The following DIAPH2 variants were observed in gnomAD, a reference collection of about 807,000 sequenced individuals.
DIAPH2 encodes the protein protein diaphanous homolog 2.
Under a neutral mutation model 92.7 loss-of-function variants are expected in DIAPH2, and 35 were observed. That is an observed-to-expected ratio of 0.38 (90% CI 0.29 to 0.50). The LOEUF (loss-of-function observed/expected upper bound fraction) is 0.50, where lower values mean the gene tolerates loss of function less well. DIAPH2 is among the 20% of genes least tolerant of loss of function. The probability of loss-of-function intolerance (pLI) is 0.94; values close to 1 mark genes in which losing one functional copy is unlikely to be tolerated. For missense variants in DIAPH2, 701 were observed against 819.5 expected, an observed-to-expected ratio of 0.86 and a Z score of 1.77; for synonymous variants, 301 against 280.4, an observed-to-expected ratio of 1.07 and a Z score of -0.73.
chrX:97,512,254 A>G (rs1371199968), intron 26 of DIAPH2, among the ~76,000 whole-genome samples: 1 of 113,549 alleles, frequency 8.8e-6, no homozygotes, highest in Non-Finnish European at 1.9e-5. Context: ...GTATATGTCA[A>G]GGAATTTATC....
intron 4 of DIAPH2, among the ~76,000 whole-genome samples, chrX:96,761,970 AATTT>A (rs1175222698): frequency 2.7e-5 from 3 of 111,726 alleles, no homozygotes; most frequent in Admixed American, 1.9e-4. Flanking sequence ...CTTCTGAAAT[AATTT>A]ACTTGGAAAC....
intron 11 of DIAPH2, 137 bp from the exon 12 acceptor site, chrX:96,939,129 A>G: frequency 2.7e-6 from 1 of 364,668 alleles, no homozygotes; most frequent in South Asian, 4.3e-5. Context: ...AGATGTTTAA[A>G]TACTGGATCA....
intron 26 of DIAPH2, among the ~76,000 whole-genome samples, chrX:97,576,001 G>A (rs1483374226): frequency 9.0e-6 from 1 of 111,713 alleles, no homozygotes; most frequent in Non-Finnish European, 1.9e-5. Flanking sequence ...CAAGCAAGGC[G>A]ATAGGAGTCA....
At chrX:97,298,295 CATT>C (rs2068662924) in intron 23 of DIAPH2, among the ~76,000 whole-genome samples, 1 of 91,872 alleles carries the variant, frequency 1.1e-5, no homozygotes, top group Non-Finnish European at 2.1e-5. Flanking sequence ...TGATATCTGA[CATT>C]GTTGATAATA....
intron 9 of DIAPH2, among the ~76,000 whole-genome samples, chrX:96,927,338 TAGAGTACACTCATCTCTTA>T (rs1293936339): frequency 3.9e-5 from 4 of 101,468 alleles, no homozygotes; most frequent in African/African-American, 1.5e-4. Context: ...TAGAGGACAA[TAGAGTACACTCATCTCTTA>T]AAGATTTATA....
intron 24 of DIAPH2, among the ~76,000 whole-genome samples, chrX:97,364,800 A>G (rs1602537645): frequency 1.1e-5 from 1 of 90,253 alleles, no homozygotes; most frequent in African/African-American, 4.4e-5. Context: ...CTTCAATCTT[A>G]AATAAAGCAT....
intron 23 of DIAPH2, among the ~76,000 whole-genome samples, chrX:97,289,862 C>A (rs2068575392): frequency 9.1e-6 from 1 of 110,002 alleles, no homozygotes; most frequent in Non-Finnish European, 1.9e-5. Flanking sequence ...GTAGCTGGGA[C>A]TACACGCGTG....
chrX:97,199,569 C>T (rs745932957), intron 22 of DIAPH2, among the ~76,000 whole-genome samples: 2 of 111,485 alleles, frequency 1.8e-5, no homozygotes, highest in East Asian at 5.7e-4. Context: ...TGATCTCCCG[C>T]AATGTTCTAG....
intron 17 of DIAPH2, among the ~76,000 whole-genome samples, chrX:96,990,846 T>C (rs2066064662): frequency 9.0e-6 from 1 of 111,240 alleles, no homozygotes; most frequent in African/African-American, 3.3e-5. Context: ...ATCTTAGTAC[T>C]TTCTCTCTTT....
At chrX:96,849,938 T>C (rs2064996605) in intron 4 of DIAPH2, among the ~76,000 whole-genome samples, 1 of 96,672 alleles carries the variant, frequency 1.0e-5, no homozygotes, top group Non-Finnish European at 2.0e-5. Flanking sequence ...TAAGAAAGCA[T>C]GGTAGGATAA....
chrX:97,152,693 C>A (rs1453596121), intron 22 of DIAPH2, among the ~76,000 whole-genome samples: 1 of 111,546 alleles, frequency 9.0e-6, no homozygotes, highest in Non-Finnish European at 1.9e-5. Flanking sequence ...AACAAATCCA[C>A]TCCTGTGATA....
At chrX:96,995,758 G>GTTTTTTTTT (rs2066101043) in intron 17 of DIAPH2, among the ~76,000 whole-genome samples, 1 of 105,725 alleles carries the variant, frequency 9.5e-6, no homozygotes, top group East Asian at 3.0e-4. Context: ...TTTTTTCTCA[G>GTTTTTTTTT]TTAAGTGGCT....
intron 22 of DIAPH2, among the ~76,000 whole-genome samples, chrX:97,203,661 G>A (rs745585608): frequency 8.1e-5 from 9 of 111,658 alleles, no homozygotes; most frequent in Non-Finnish European, 1.3e-4. Flanking sequence ...ACCAAGTTCT[G>A]AAATTGAGGC....
intron 22 of DIAPH2, among the ~76,000 whole-genome samples, chrX:97,143,492 A>G (rs757444865): frequency 1.4e-4 from 15 of 110,025 alleles, no homozygotes; most frequent in Non-Finnish European, 2.5e-4. Flanking sequence ...ATGAAAATAT[A>G]TATATTTATA....
chrX:97,288,139 A>G (rs1439791342), intron 23 of DIAPH2, among the ~76,000 whole-genome samples: 1 of 110,839 alleles, frequency 9.0e-6, no homozygotes, highest in Non-Finnish European at 1.9e-5. Flanking sequence ...AACAAAACAC[A>G]TACAAATGAA....
At chrX:97,080,902 G>A (rs993218384) in intron 19 of DIAPH2, among the ~76,000 whole-genome samples, 10 of 111,695 alleles carry the variant, frequency 9.0e-5, no homozygotes, top group Admixed American at 3.8e-4. Context: ...ATCTATTTAC[G>A]TGGCTATCGA....
chrX:96,688,811 C>A (rs145759625), intron 1 of DIAPH2, among the ~76,000 whole-genome samples: 2 of 111,832 alleles, frequency 1.8e-5, no homozygotes, highest in Non-Finnish European at 3.8e-5. Context: ...GTGAGCCAGA[C>A]GTGGTAGCTT....
intron 17 of DIAPH2, among the ~76,000 whole-genome samples, chrX:97,029,146 CT>C (rs34551722): frequency 0.28 from 25,604 of 92,476 alleles, 3,720 homozygotes; most frequent in South Asian, 0.44. Flanking sequence ...TTTTCTTTTT[CT>C]TTTTTTTTTT....
At chrX:96,834,011 A>G (rs1229845210) in intron 4 of DIAPH2, among the ~76,000 whole-genome samples, 1 of 111,621 alleles carries the variant, frequency 9.0e-6, no homozygotes, top group African/African-American at 3.3e-5. Context: ...TATATTTTGT[A>G]TCTCACATTC....
Sources: gnomAD v4.1 joint callset for allele counts (sites outside exome capture counted in the v4.1 genomes callset) on GRCh38, gnomAD v4.1.1 for gene constraint, MANE v1.5 for transcripts, NCBI Gene and HGNC (gene_info 2026-07-23, HGNC 2026-07-21) for gene names.